PRKCZ: variants seen among roughly 807,000 people sequenced by gnomAD.
The protein encoded by PRKCZ is protein kinase C zeta, also known as protein kinase C zeta type.
A neutral mutation model predicts 79.5 loss-of-function variants in PRKCZ; 33 were observed. That is an observed-to-expected ratio of 0.41 (90% CI 0.31 to 0.55). PRKCZ has a LOEUF of 0.55. Ranked by LOEUF, PRKCZ falls within the 20% of genes least tolerant of loss-of-function variation. PRKCZ has a pLI of 0.19. For missense variants in PRKCZ, 578 were observed against 813.5 expected, an observed-to-expected ratio of 0.71 and a Z score of 3.52; for synonymous variants, 342 against 320.9, an observed-to-expected ratio of 1.07 and a Z score of -0.70.
In PRKCZ at chr1:2,127,112, G is replaced by C. The variant is rs374667249; in HGVS notation, c.335-8150G>C. On this transcript the variant is annotated intron_variant, in intron 4 of 17. Coordinates refer to ENST00000378567, the MANE Select transcript of PRKCZ (RefSeq NM_002744.6). The surrounding 1 kb of genome is among the most constrained non-coding windows in gnomAD (Gnocchi z 5.1). Reference sequence around the variant, plus strand: ...TTGCACTAAGCAGCTGTGGGGAAGGGGGAGGTTGTTGCCTCAGTGGGAGCC... The same window carrying C: ...TTGCACTAAGCAGCTGTGGGGAAGGCGGAGGTTGTTGCCTCAGTGGGAGCC... 6.1e-3 allele frequency among the ~76,000 whole-genome samples: 923 copies of C among 152,324 alleles called. 16 individuals carry two copies. Among genetic ancestry groups the C allele is most frequent in the African/African-American group, 0.021 (858 of 41,560 alleles).
chr1:2,181,584 C>T (rs1254955266), intron 16 of PRKCZ, among the ~76,000 whole-genome samples: 4 of 152,192 alleles, frequency 2.6e-5, no homozygotes, highest in African/African-American at 9.7e-5. Context: ...GAGATGGGCA[C>T]TGAAGGCTTT....
intron 4 of PRKCZ, among the ~76,000 whole-genome samples, chr1:2,117,178 G>A (rs1454205013): frequency 6.6e-6 from 1 of 152,088 alleles, no homozygotes; most frequent in African/African-American, 2.4e-5. Flanking sequence ...TTGAACTCCT[G>A]GGCTCAAGTG....
At chr1:2,139,132 C>T (rs1371536202) in intron 5 of PRKCZ, among the ~76,000 whole-genome samples, 1 of 152,162 alleles carries the variant, frequency 6.6e-6, no homozygotes, top group Non-Finnish European at 1.5e-5. Context: ...TGAAGAGCTC[C>T]TACACAAAGG....
intron 10 of PRKCZ, among the ~76,000 whole-genome samples, chr1:2,166,810 C>G (rs1485896494): frequency 1.3e-5 from 2 of 152,234 alleles, no homozygotes; most frequent in Non-Finnish European, 2.9e-5. Context: ...TGAGGGGCTA[C>G]GGGTGAAGCC....
In PRKCZ at chr1:2,082,362, G is replaced by A. The variant is rs539542685; in HGVS notation, c.334+22771G>A. 56 of 455,788 alleles carry A rather than the reference G, an allele frequency of 1.2e-4. No homozygotes were observed. The highest frequency in any genetic ancestry group is 8.1e-4 in the South Asian group (52 of 64,430). 28.2% of individuals were successfully genotyped at this position (455,788 alleles called of 1,614,324 possible). A position where few individuals can be genotyped will look rare whatever the true frequency, so the allele number is the denominator to read the frequency against. On this transcript the variant is annotated intron_variant, in intron 4 of 17. Transcript: ENST00000378567. The surrounding 1 kb of genome is among the most constrained non-coding windows in gnomAD (Gnocchi z 4.4). The stretch of plus-strand genomic sequence containing the variant: ...ACCTCTTTCAAGTTGCCGGCTACCC[G>A]GCTGCCGTAGACAGAGTGAAGTCTG...
chr1:2,175,641 G>A (rs936827644), intron 16 of PRKCZ, among the ~76,000 whole-genome samples: 17 of 150,906 alleles, frequency 1.1e-4, no homozygotes, highest in Admixed American at 2.0e-4. Context: ...GTGTGAGCTC[G>A]CGCACCGCCG....
Position 2,102,414 on chromosome 1 carries a change from G to A in PRKCZ, c.335-32848G>A, listed in dbSNP as rs544890370. 5.9e-5 allele frequency among the ~76,000 whole-genome samples: 9 copies of A among 151,458 alleles called. No individual in the cohort carries two copies. In the South Asian group the frequency reaches 1.3e-3, roughly 21 times the overall value. Reference sequence around the variant, plus strand: ...GTGGTGCAATCTTGGCTCACTGCAAGCCCCGTCTCCCAAGTTCACACCATT... The same window carrying A: ...GTGGTGCAATCTTGGCTCACTGCAAACCCCGTCTCCCAAGTTCACACCATT... On this transcript the variant is annotated intron_variant, in intron 4 of 17. Transcript: ENST00000378567.
intron 4 of PRKCZ, among the ~76,000 whole-genome samples, chr1:2,073,247 C>G (rs929301763): frequency 6.6e-6 from 1 of 152,188 alleles, no homozygotes; most frequent in Non-Finnish European, 1.5e-5. Context: ...TCCTGCCCCC[C>G]AGTGCCCACC....
chr1:2,107,402 G>A (rs1411719777), intron 4 of PRKCZ, among the ~76,000 whole-genome samples: 6 of 152,186 alleles, frequency 3.9e-5, no homozygotes, highest in South Asian at 2.1e-4. Context: ...CTCCTTCCAC[G>A]GCCGCACACA....
intron 10 of PRKCZ, among the ~76,000 whole-genome samples, chr1:2,158,658 C>T (rs1447544108): frequency 6.6e-6 from 1 of 152,212 alleles, no homozygotes; most frequent in Admixed American, 6.5e-5. Context: ...TTTGGTTCTT[C>T]TTCATATGTG....
In PRKCZ at chr1:2,124,454, C is replaced by T. The variant is rs11578892; in HGVS notation, c.335-10808C>T. 1.6e-3 allele frequency among the ~76,000 whole-genome samples: 236 copies of T among 150,182 alleles called. 3 individuals carry two copies. Among genetic ancestry groups the T allele is most frequent in the Non-Finnish European group, 2.3e-3 (154 of 66,914 alleles). ...GAACCCTTGTGGTGGGATTTGTGCC[C>T]TTTATAGGATGAGAGGATGAGACAC... On this transcript the variant is annotated intron_variant, in intron 4 of 17. Transcript: ENST00000378567.
chr1:2,148,260 C>A (rs1268869209), intron 7 of PRKCZ, among the ~76,000 whole-genome samples: 1 of 151,952 alleles, frequency 6.6e-6, no homozygotes, highest in East Asian at 1.9e-4. Context: ...GTCCACTGAC[C>A]TCTCCATCTA....
At chr1:2,078,622 A>G (rs1375779483) in intron 4 of PRKCZ, among the ~76,000 whole-genome samples, 1 of 152,158 alleles carries the variant, frequency 6.6e-6, no homozygotes, top group East Asian at 1.9e-4. Flanking sequence ...TATTTATCAC[A>G]TGGCCGACTC....
chr1:2,159,776 C>G (rs938487017), intron 10 of PRKCZ, among the ~76,000 whole-genome samples: 1 of 152,020 alleles, frequency 6.6e-6, no homozygotes, highest in Admixed American at 6.5e-5. Flanking sequence ...CAAACCATAC[C>G]CCATATCTAC....
intron 4 of PRKCZ, among the ~76,000 whole-genome samples, chr1:2,092,115 C>T (rs1665623558): frequency 1.3e-5 from 2 of 152,184 alleles, no homozygotes; most frequent in South Asian, 2.1e-4. Flanking sequence ...CGCGCTTCTC[C>T]CCTAGATACT....
chr1:2,061,789 C>A (rs1373152480), intron 4 of PRKCZ, among the ~76,000 whole-genome samples: 1 of 152,188 alleles, frequency 6.6e-6, no homozygotes, highest in African/African-American at 2.4e-5. Flanking sequence ...GCCACCAGGG[C>A]TTAGGGGGCT....
At chr1:2,179,312 A>G (rs1686087665) in intron 16 of PRKCZ, among the ~76,000 whole-genome samples, 1 of 152,212 alleles carries the variant, frequency 6.6e-6, no homozygotes, top group Non-Finnish European at 1.5e-5. Context: ...AGTGATGGAC[A>G]GGCTCATTCT....
At chr1:2,132,096 C>T (rs961459231) in intron 4 of PRKCZ, among the ~76,000 whole-genome samples, 2 of 152,172 alleles carry the variant, frequency 1.3e-5, no homozygotes, top group Non-Finnish European at 2.9e-5. Flanking sequence ...CAGGCGGGAG[C>T]CACCGTGCCT....
At chr1:2,151,749 C>G (rs1344466442) in intron 9 of PRKCZ, among the ~76,000 whole-genome samples, 1 of 152,196 alleles carries the variant, frequency 6.6e-6, no homozygotes, top group Non-Finnish European at 1.5e-5. Context: ...CTCAAAGTCC[C>G]CAGCTCAGGT....
Sources: gnomAD v4.1 joint callset for allele counts (sites outside exome capture counted in the v4.1 genomes callset) on GRCh38, gnomAD v4.1.1 for gene constraint, Gnocchi (gnomAD v3.1) non-coding constraint, MANE v1.5 for transcripts, NCBI Gene and HGNC (gene_info 2026-07-23, HGNC 2026-07-21) for gene names.